Variants in CPQ observed in about 807,000 individuals in gnomAD.
CPQ encodes Ser-Met dipeptidase.
In CPQ, 37 loss-of-function variants were observed where a neutral mutation model predicts 45.7. The ratio of observed to expected loss-of-function variants is 0.81; its 90% CI spans 0.62 to 1.07. The LOEUF (loss-of-function observed/expected upper bound fraction) is 1.07, where lower values mean the gene tolerates loss of function less well. Ranked by LOEUF, CPQ falls within the 50% of genes least tolerant of loss-of-function variation. CPQ has a pLI of 0.00. For missense variants in CPQ, 537 were observed against 572.9 expected, an observed-to-expected ratio of 0.94 and a Z score of 0.64; for synonymous variants, 186 against 205.8, an observed-to-expected ratio of 0.90 and a Z score of 0.82.
intron 4 of CPQ, among the ~76,000 whole-genome samples, chr8:96,939,340 C>G (rs1024059087): frequency 2.0e-5 from 3 of 152,154 alleles, no homozygotes; most frequent in African/African-American, 7.2e-5. Flanking sequence ...CAGTAATGCT[C>G]ACTTCCTGTT....
intron 2 of CPQ, among the ~76,000 whole-genome samples, chr8:96,815,029 G>A (rs1008806698): frequency 6.6e-6 from 1 of 152,072 alleles, no homozygotes; most frequent in Non-Finnish European, 1.5e-5. Flanking sequence ...GGGTGCAGAT[G>A]GGGAGTGATT....
rs774599864 is a variant in CPQ, at chr8:96,879,863, T to C, written c.707T>C (p.Val236Ala). 3 of 1,613,848 alleles carry C rather than the reference T, an allele frequency of 1.9e-6. No individual in the cohort carries two copies. Among genetic ancestry groups the C allele is most frequent in the East Asian group, 4.5e-5 (2 of 44,872 alleles). Reference sequence around the variant, plus strand: ...AAGATTCCAACAGCCTGTATTACGGTGGAAGATGCAGAAATGATGTCAAGA... The same window carrying C: ...AAGATTCCAACAGCCTGTATTACGGCGGAAGATGCAGAAATGATGTCAAGA... ...VPKIPTACIT[V>A]EDAEMMSRMA... The change falls in exon 4 of 8, where the codon GTG becomes GCG. Residue 236 changes from valine (V) to alanine (A), a missense_variant. By Grantham distance (64) the Val-to-Ala change is moderately conservative. Coordinates refer to ENST00000220763, the MANE Select transcript of CPQ (RefSeq NM_016134.4).
At chr8:97,067,320 C>T (rs929384575) in intron 7 of CPQ, among the ~76,000 whole-genome samples, 6 of 152,078 alleles carry the variant, frequency 3.9e-5, no homozygotes, top group Non-Finnish European at 5.9e-5. Flanking sequence ...GTTTGTGACC[C>T]GAGGTTGCTT....
intron 4 of CPQ, among the ~76,000 whole-genome samples, chr8:96,887,723 T>A (rs1812322829): frequency 6.6e-6 from 1 of 152,224 alleles, no homozygotes. Context: ...AAAATGTTAA[T>A]ATATTCATGA....
chr8:96,681,277 G>A (rs9656837), intron 1 of CPQ, among the ~76,000 whole-genome samples: 107,796 of 152,038 alleles, frequency 0.71, 38,627 homozygotes, highest in Middle Eastern at 0.83. Flanking sequence ...GGAGGAAAAG[G>A]TGTTTTTTTT....
chr8:96,793,577 G>A (rs1810881582), intron 2 of CPQ, among the ~76,000 whole-genome samples: 1 of 152,074 alleles, frequency 6.6e-6, no homozygotes, highest in Non-Finnish European at 1.5e-5. Flanking sequence ...TTCTGACTTG[G>A]CCCCTCCAAA....
chr8:96,921,803 C>A (rs1245162595), intron 4 of CPQ, among the ~76,000 whole-genome samples: 1 of 152,022 alleles, frequency 6.6e-6, no homozygotes, highest in Non-Finnish European at 1.5e-5. Context: ...ATATAGTAAG[C>A]AACCTGATAT....
chr8:96,900,432 T>A (rs539837611), intron 4 of CPQ, among the ~76,000 whole-genome samples: 43 of 152,250 alleles, frequency 2.8e-4, no homozygotes, highest in Non-Finnish European at 5.0e-4. Context: ...AAACTTAGAG[T>A]GTTCCATTTG....
At chr8:96,997,234 T>C (rs1299321206) in intron 5 of CPQ, among the ~76,000 whole-genome samples, 1 of 151,960 alleles carries the variant, frequency 6.6e-6, no homozygotes, top group Non-Finnish European at 1.5e-5. Context: ...CTGGTTCCAC[T>C]GGTTTATTAG....
At chr8:96,835,217 CAA>C (rs921094893) in intron 3 of CPQ, 37 bp downstream of exon 3, 8 of 1,387,522 alleles carry the variant, frequency 5.8e-6, no homozygotes, top group Non-Finnish European at 7.6e-6. Flanking sequence ...CTTTCAAAAA[CAA>C]GGGTTTTCCG....
chr8:96,665,951 T>A (rs917037025), intron 1 of CPQ, among the ~76,000 whole-genome samples: 7 of 152,216 alleles, frequency 4.6e-5, no homozygotes, highest in African/African-American at 1.7e-4. Context: ...ATATAATTTG[T>A]TACTCATATC....
intron 6 of CPQ, among the ~76,000 whole-genome samples, chr8:97,043,212 G>A (rs1810164909): frequency 6.6e-6 from 1 of 152,138 alleles, no homozygotes; most frequent in South Asian, 2.1e-4. Context: ...AGCTCTTCCT[G>A]TTGAATTGAT....
intron 1 of CPQ, among the ~76,000 whole-genome samples, chr8:96,674,345 C>T (rs1402760017): frequency 1.3e-5 from 2 of 152,110 alleles, no homozygotes; most frequent in African/African-American, 4.8e-5. Context: ...CGCTCATTTA[C>T]ATCTCATTAA....
intron 1 of CPQ, among the ~76,000 whole-genome samples, chr8:96,781,210 A>T (rs968735006): frequency 6.6e-6 from 1 of 152,140 alleles, no homozygotes; most frequent in African/African-American, 2.4e-5. Flanking sequence ...AGTTGACAAG[A>T]TGTTGTCTTA....
At chr8:96,693,801 C>T (rs1198626400) in intron 1 of CPQ, among the ~76,000 whole-genome samples, 1 of 151,948 alleles carries the variant, frequency 6.6e-6, no homozygotes, top group African/African-American at 2.4e-5. Flanking sequence ...ATAGTAAGTA[C>T]ACAGAAAAAA....
intron 1 of CPQ, among the ~76,000 whole-genome samples, chr8:96,773,787 C>A (rs1052421581): frequency 2.5e-4 from 38 of 152,050 alleles, no homozygotes; most frequent in African/African-American, 9.2e-4. Flanking sequence ...AGGATGGCAC[C>A]CTGTGGCTGC....
chr8:96,703,570 T>C (rs1223070895), intron 1 of CPQ, among the ~76,000 whole-genome samples: 1 of 152,184 alleles, frequency 6.6e-6, no homozygotes, highest in African/African-American at 2.4e-5. Context: ...ATATAACCTA[T>C]GAGGCAAGCA....
chr8:96,830,416 C>T (rs1478004147), intron 2 of CPQ, among the ~76,000 whole-genome samples: 3 of 152,066 alleles, frequency 2.0e-5, no homozygotes, highest in Non-Finnish European at 4.4e-5. Context: ...GCCAATACCA[C>T]AGCAGTCAGC....
chr8:96,696,205 A>G (rs1809379280), intron 1 of CPQ, among the ~76,000 whole-genome samples: 1 of 149,914 alleles, frequency 6.7e-6, no homozygotes, highest in Non-Finnish European at 1.5e-5. Flanking sequence ...AAAACCAAAC[A>G]CCGCATATTC....
Sources: allele counts gnomAD v4.1 joint callset (sites outside exome capture counted in the v4.1 genomes callset), GRCh38; gene constraint gnomAD v4.1.1; transcripts MANE v1.5; gene names NCBI Gene and HGNC (gene_info 2026-07-23, HGNC 2026-07-21).